CTTNBP2NL: variants seen among roughly 807,000 people sequenced by gnomAD.
The protein encoded by CTTNBP2NL is CTTNBP2 N-terminal like.
Under a neutral mutation model 32.5 loss-of-function variants are expected in CTTNBP2NL, and 16 were observed. That is an observed-to-expected ratio of 0.49 (90% CI 0.33 to 0.75). The LOEUF (loss-of-function observed/expected upper bound fraction) is 0.75. Ranked by LOEUF, CTTNBP2NL falls within the 30% of genes least tolerant of loss-of-function variation. CTTNBP2NL has a pLI of 0.02. For synonymous variants in CTTNBP2NL, 298 were observed against 289.4 expected (o/e 1.03, Z -0.30); for missense variants, 645 against 756.0 (o/e 0.85, Z 1.72).
intron 3 of CTTNBP2NL, among the ~76,000 whole-genome samples, chr1:112,439,595 T>A (rs915799305): frequency 6.6e-6 from 1 of 152,182 alleles, no homozygotes; most frequent in African/African-American, 2.4e-5. Flanking sequence ...TTTTCGGCAC[T>A]GTCTGTTAAT....
chr1:112,392,032 C>T (rs1158629662), upstream of CTTNBP2NL, among the ~76,000 whole-genome samples: 2 of 141,654 alleles, frequency 1.4e-5, no homozygotes, highest in South Asian at 4.2e-4. Context: ...TAAGTCCAAA[C>T]TTTACACATA....
chr1:112,393,272 C>T (rs1321583430), upstream of CTTNBP2NL, among the ~76,000 whole-genome samples: 1 of 152,156 alleles, frequency 6.6e-6, no homozygotes, highest in Non-Finnish European at 1.5e-5. Flanking sequence ...AACTAGACTC[C>T]AGATTTTTTA....
intron 1 of CTTNBP2NL, among the ~76,000 whole-genome samples, chr1:112,410,346 G>A (rs1051502112): frequency 3.3e-5 from 5 of 150,866 alleles, no homozygotes; most frequent in East Asian, 3.9e-4. Flanking sequence ...GATCAAGATC[G>A]TGCCATTGCA....
At chr1:112,413,656 T>G (rs1214288800) in intron 2 of CTTNBP2NL, among the ~76,000 whole-genome samples, 2 of 151,172 alleles carry the variant, frequency 1.3e-5, no homozygotes, top group Non-Finnish European at 2.9e-5. Flanking sequence ...TTTGTTTAGT[T>G]TTGTTTTAGT....
chr1:112,430,361 G>T (rs1649533126), intron 3 of CTTNBP2NL, among the ~76,000 whole-genome samples: 1 of 151,754 alleles, frequency 6.6e-6, no homozygotes, highest in African/African-American at 2.4e-5. Flanking sequence ...AAGTAGCTGG[G>T]ACTATAGGCT....
chr1:112,404,011 T>G (rs1489704125), intron 1 of CTTNBP2NL, among the ~76,000 whole-genome samples: 2 of 152,228 alleles, frequency 1.3e-5, no homozygotes, highest in East Asian at 1.9e-4. Context: ...AGCTGACCAG[T>G]CACTAACTCA....
At chr1:112,404,990 CGGTGAGGCCGAGGTTG>C (rs1648617364) in intron 1 of CTTNBP2NL, among the ~76,000 whole-genome samples, 1 of 1,644 alleles carries the variant, frequency 6.1e-4, no homozygotes, top group Non-Finnish European at 3.2e-3. Flanking sequence ...GCGGAGGTTG[CGGTGAGGCCGAGGTTG>C]CGGTGAGCCG....
intron 1 of CTTNBP2NL, among the ~76,000 whole-genome samples, chr1:112,405,416 G>A (rs1648631167): frequency 6.6e-6 from 1 of 152,098 alleles, no homozygotes; most frequent in Non-Finnish European, 1.5e-5. Flanking sequence ...TCTTTCCTCA[G>A]CCACCTGAGA....
chr1:112,398,448 A>G (rs1318878189), intron 1 of CTTNBP2NL, among the ~76,000 whole-genome samples: 1 of 152,168 alleles, frequency 6.6e-6, no homozygotes, highest in Non-Finnish European at 1.5e-5. Flanking sequence ...CCTAGTATAT[A>G]GTATGACTTC....
intron 2 of CTTNBP2NL, among the ~76,000 whole-genome samples, chr1:112,412,872 ACC>A (rs1648924370): frequency 6.6e-6 from 1 of 151,434 alleles, no homozygotes; most frequent in African/African-American, 2.4e-5. Flanking sequence ...TCCCACCTCC[ACC>A]TCCCAAAGTG....
In CTTNBP2NL at chr1:112,439,930, A is replaced by G. The variant is rs566091156; in HGVS notation, c.100-9012A>G. Among the ~76,000 whole-genome samples, 8 of 152,376 alleles carry G rather than the reference A, an allele frequency of 5.3e-5. No homozygotes were observed. In the East Asian group the frequency reaches 1.3e-3, roughly 26 times the overall value. On this transcript the variant is annotated intron_variant, in intron 3 of 5. Coordinates refer to ENST00000271277, the MANE Select transcript of CTTNBP2NL (RefSeq NM_018704.3). Reference sequence around the variant, plus strand: ...AATAAATTGTACTTGGTGTTCCTCTAAACATTAATGATATTGTTTAGAAAA... The same window carrying G: ...AATAAATTGTACTTGGTGTTCCTCTGAACATTAATGATATTGTTTAGAAAA...
chr1:112,435,423 A>T lies in CTTNBP2NL; in HGVS notation c.100-13519A>T, dbSNP rs188528098. On this transcript the variant is annotated intron_variant, in intron 3 of 5. Coordinates refer to ENST00000271277, the MANE Select transcript of CTTNBP2NL (RefSeq NM_018704.3). ...ATCTGGACCCAAGTAAGTACTTCAT[A>T]AGTATTTGTCATACAGGAGAATGAT... 2.0e-5 allele frequency among the ~76,000 whole-genome samples: 3 copies of T among 152,280 alleles called. No homozygotes were observed. In the East Asian group the frequency reaches 5.8e-4, roughly 29 times the overall value.
Position 112,457,192 on chromosome 1 carries a change from A to C in CTTNBP2NL, c.1700A>C (p.Lys567Thr). 1 of 1,614,196 alleles carries C rather than the reference A, an allele frequency of 6.2e-7. No homozygotes were observed. The highest frequency in any genetic ancestry group is 8.5e-7 in the Non-Finnish European group (1 of 1,180,034). Residue 567 changes from lysine to threonine, a missense_variant, in exon 6 of 6, where the codon AAG becomes ACG. Physicochemically the swap from Lys to Thr is moderately conservative, Grantham distance 78. Transcript: ENST00000271277. ...CTGAGCCCCCTGTCTCCAGGAATCA[A>C]GTCCCCAACCATCCCCAGAGCTGAG... Reference protein sequence around the residue: ...SPLSPLSPGIKSPTIPRAERG... With the variant: ...SPLSPLSPGITSPTIPRAERG...
chr1:112,443,069 A>G (rs779772372), intron 3 of CTTNBP2NL, among the ~76,000 whole-genome samples: 3 of 152,174 alleles, frequency 2.0e-5, no homozygotes, highest in Non-Finnish European at 4.4e-5. Flanking sequence ...ATACTAAACT[A>G]TTTTTAGTCT....
At position 112,423,931 on chromosome 1, in the gene CTTNBP2NL, C is replaced by T. The variant is rs779774432; in HGVS notation, c.99+7667C>T. On this transcript the variant is annotated intron_variant, in intron 3 of 5. Coordinates refer to ENST00000271277, the MANE Select transcript of CTTNBP2NL (RefSeq NM_018704.3). ...AGAGACAGGATTTCACCATGTTGGTCGGGCTGGTCTTGGACTCCTGACCTC... is the reference window on the plus strand; with the variant it reads ...AGAGACAGGATTTCACCATGTTGGTTGGGCTGGTCTTGGACTCCTGACCTC... 4.6e-5 allele frequency among the ~76,000 whole-genome samples: 7 copies of T among 152,292 alleles called. No individual in the cohort carries two copies. The East Asian group carries it at 7.7e-4, about 17-fold the overall frequency.
At chr1:112,452,233 C>T (rs1043523362) in intron 4 of CTTNBP2NL, among the ~76,000 whole-genome samples, 1 of 151,194 alleles carries the variant, frequency 6.6e-6, no homozygotes, top group African/African-American at 2.4e-5. Flanking sequence ...TTAACAGGTG[C>T]GATCATAGCA....
intron 3 of CTTNBP2NL, among the ~76,000 whole-genome samples, chr1:112,427,513 C>T (rs1448010581): frequency 6.6e-6 from 1 of 152,154 alleles, no homozygotes; most frequent in Non-Finnish European, 1.5e-5. Context: ...AATCCATTTA[C>T]GAAACATTTT....
At chr1:112,409,255 C>T (rs1415361983) in intron 1 of CTTNBP2NL, among the ~76,000 whole-genome samples, 1 of 151,952 alleles carries the variant, frequency 6.6e-6, no homozygotes, top group African/African-American at 2.4e-5. Context: ...TAATCTGAGT[C>T]ATTTGTAGTC....
chr1:112,452,514 T>G (rs563091571), intron 4 of CTTNBP2NL, among the ~76,000 whole-genome samples: 1 of 151,080 alleles, frequency 6.6e-6, no homozygotes, highest in African/African-American at 2.5e-5. Context: ...CTGGCTAATT[T>G]TGTATTTTTA....
Sources: allele counts gnomAD v4.1 joint callset (sites outside exome capture counted in the v4.1 genomes callset), GRCh38; gene constraint gnomAD v4.1.1; transcripts MANE v1.5; gene names NCBI Gene and HGNC (gene_info 2026-07-23, HGNC 2026-07-21).